MAD1L1: variants seen among roughly 807,000 people sequenced by gnomAD.
MAD1L1 encodes mitotic spindle assembly checkpoint protein MAD1.
In MAD1L1, 95 loss-of-function variants were observed where a neutral mutation model predicts 96.9. That is an observed-to-expected ratio of 0.98 (90% CI 0.83 to 1.16). The LOEUF (loss-of-function observed/expected upper bound fraction) is 1.16. Ranked by LOEUF, MAD1L1 falls within the 50% of genes most tolerant of loss-of-function variation. The pLI is 0.00. For missense variants in MAD1L1, 1,007 were observed against 954.4 expected (o/e 1.06, Z -0.73); for synonymous variants, 473 against 396.6 (o/e 1.19, Z -2.29).
chr7:2,030,573 T>C lies in MAD1L1; in HGVS notation c.1219-15931A>G, dbSNP rs188082938. 7.9e-3 allele frequency among the ~76,000 whole-genome samples: 1,206 copies of C among 152,318 alleles called. 11 individuals are homozygous for C. Among genetic ancestry groups the C allele is most frequent in the Non-Finnish European group, 9.8e-3 (668 of 68,018 alleles). ...GCCCCTGGGTAAGCCAGGGCGCCAG[T>C]GACAGGTGGCCGGACCCCGCAGGAG... On this transcript the variant is annotated intron_variant, in intron 12 of 18. Transcript: ENST00000265854.
intron 11 of MAD1L1, among the ~76,000 whole-genome samples, chr7:2,132,814 G>A (rs1380887288): frequency 6.6e-6 from 1 of 152,184 alleles, no homozygotes; most frequent in East Asian, 1.9e-4. Context: ...TTACTGTGTG[G>A]TTCCCGACCC....
chr7:2,097,048 G>A (rs73034436), intron 11 of MAD1L1, among the ~76,000 whole-genome samples: 4,113 of 152,242 alleles, frequency 0.027, 94 homozygotes, highest in South Asian at 0.089. Flanking sequence ...AACGCACCAC[G>A]GGTATCCCCC....
intron 18 of MAD1L1, among the ~76,000 whole-genome samples, chr7:1,853,475 A>C (rs1442385539): frequency 3.3e-5 from 5 of 152,144 alleles, no homozygotes; most frequent in Non-Finnish European, 7.4e-5. Flanking sequence ...TGACAGACAG[A>C]AGCAGGTGAC....
chr7:1,869,422 T>C (rs1190397972), intron 18 of MAD1L1, among the ~76,000 whole-genome samples: 2 of 151,946 alleles, frequency 1.3e-5, no homozygotes, highest in African/African-American at 2.4e-5. Context: ...CAGGTTTCCT[T>C]AAATCCCCAG....
At position 1,924,907 on chromosome 7, in the gene MAD1L1, G is replaced by A. The variant is rs114665078; in HGVS notation, c.1807+11780C>T. 3.3e-3 allele frequency among the ~76,000 whole-genome samples: 508 copies of A among 152,158 alleles called. 3 individuals are homozygous for A. Among genetic ancestry groups the A allele is most frequent in the African/African-American group, 0.011 (467 of 41,492 alleles). ...ATGAATTATAAGTGCACCGTGAAATGTTAAGCTTGCACATTGTAAACCACA... is the reference window on the plus strand; with the variant it reads ...ATGAATTATAAGTGCACCGTGAAATATTAAGCTTGCACATTGTAAACCACA... On this transcript the variant is annotated intron_variant, in intron 17 of 18. Coordinates refer to ENST00000265854, the MANE Select transcript of MAD1L1 (RefSeq NM_001013836.2).
intron 11 of MAD1L1, among the ~76,000 whole-genome samples, chr7:2,097,394 TG>T (rs1234494692): frequency 1.3e-5 from 2 of 151,926 alleles, no homozygotes; most frequent in African/African-American, 4.8e-5. Flanking sequence ...AGCGAGGACG[TG>T]GGGGCCAGAG....
At chr7:2,193,238 G>A (rs1163805379) in intron 10 of MAD1L1, 1 of 152,728 alleles carries the variant, frequency 6.5e-6, no homozygotes, top group Non-Finnish European at 1.5e-5. Context: ...ATCGGCCCAA[G>A]CCACGCCCCA....
chr7:2,052,869 G>A (rs1036579257), intron 12 of MAD1L1, among the ~76,000 whole-genome samples: 47 of 152,200 alleles, frequency 3.1e-4, no homozygotes, highest in African/African-American at 9.1e-4. Context: ...GGAGGCGCTG[G>A]ACCTCCGGGG....
intron 18 of MAD1L1, among the ~76,000 whole-genome samples, chr7:1,887,837 G>A (rs1786196116): frequency 2.5e-5 from 1 of 39,734 alleles, no homozygotes; most frequent in African/African-American, 1.5e-4. Flanking sequence ...GCATGTATGT[G>A]GCGTCCTGTG....
chr7:2,158,705 C>T (rs1048995391), intron 10 of MAD1L1, among the ~76,000 whole-genome samples: 1 of 152,228 alleles, frequency 6.6e-6, no homozygotes, highest in Non-Finnish European at 1.5e-5. Flanking sequence ...TGATGCAACA[C>T]AATTGTGTGG....
intron 18 of MAD1L1, among the ~76,000 whole-genome samples, chr7:1,856,169 G>A (rs370143234): frequency 3.9e-5 from 6 of 152,328 alleles, no homozygotes; most frequent in Admixed American, 1.3e-4. Context: ...AAGGCCCCGC[G>A]CCCTCCTGCT....
intron 10 of MAD1L1, among the ~76,000 whole-genome samples, chr7:2,197,995 G>A (rs2114945059): frequency 6.6e-6 from 1 of 151,264 alleles, no homozygotes; most frequent in South Asian, 2.1e-4. Flanking sequence ...CTAAGAGCAG[G>A]CCTGGGAACA....
At chr7:2,226,769 C>T (rs1237011123) in intron 3 of MAD1L1, among the ~76,000 whole-genome samples, 1 of 152,076 alleles carries the variant, frequency 6.6e-6, no homozygotes, top group Non-Finnish European at 1.5e-5. Context: ...GCGGGTGGAT[C>T]ACTTGAGGCC....
At chr7:2,023,275 C>T (rs1239806718) in intron 12 of MAD1L1, among the ~76,000 whole-genome samples, 1 of 152,130 alleles carries the variant, frequency 6.6e-6, no homozygotes, top group African/African-American at 2.4e-5. Flanking sequence ...AGACAGACCA[C>T]ATTTGGGCCA....
chr7:1,926,529 G>C (rs1789097572), intron 17 of MAD1L1, among the ~76,000 whole-genome samples: 1 of 152,114 alleles, frequency 6.6e-6, no homozygotes, highest in African/African-American at 2.4e-5. Context: ...AACCAAGGGG[G>C]GGGTTTATTC....
intron 18 of MAD1L1, among the ~76,000 whole-genome samples, chr7:1,890,650 C>G (rs1786479584): frequency 1.3e-5 from 2 of 152,232 alleles, no homozygotes; most frequent in South Asian, 4.1e-4. Flanking sequence ...CCACGGAGGC[C>G]CAGGCTGTGC....
At chr7:1,975,535 G>C (rs1434412531) in intron 15 of MAD1L1, among the ~76,000 whole-genome samples, 1 of 152,226 alleles carries the variant, frequency 6.6e-6, no homozygotes, top group Non-Finnish European at 1.5e-5. Flanking sequence ...TTGGCAGGCA[G>C]GGACTGTCTT....
chr7:1,887,959 G>A (rs914813989), intron 18 of MAD1L1, among the ~76,000 whole-genome samples: 3 of 151,830 alleles, frequency 2.0e-5, no homozygotes, highest in East Asian at 1.9e-4. Flanking sequence ...ACATGTGTAT[G>A]TGGCTGCCTA....
At chr7:1,854,058 G>A (rs990151829) in intron 18 of MAD1L1, among the ~76,000 whole-genome samples, 1 of 152,188 alleles carries the variant, frequency 6.6e-6, no homozygotes, top group Non-Finnish European at 1.5e-5. Context: ...GTAATTACCA[G>A]CTCGATCACG....
Sources: gnomAD v4.1 joint callset for allele counts (sites outside exome capture counted in the v4.1 genomes callset) on GRCh38, gnomAD v4.1.1 for gene constraint, MANE v1.5 for transcripts, NCBI Gene and HGNC (gene_info 2026-07-23, HGNC 2026-07-21) for gene names.